The following SLC35F4 variants were observed in gnomAD, a reference collection of about 807,000 sequenced individuals.
The protein encoded by SLC35F4 is chromosome 14 open reading frame 36.
SLC35F4 carries 24 observed loss-of-function variants against 44.2 expected under a neutral mutation model. The observed-to-expected ratio is 0.54, with a 90% CI of 0.39 to 0.76. The LOEUF is 0.76. SLC35F4 is among the 30% of genes least tolerant of loss of function. The pLI is 0.00. For missense variants in SLC35F4, 562 were observed against 586.1 expected (o/e 0.96, Z 0.42); for synonymous variants, 238 against 223.6 (o/e 1.06, Z -0.57).
chr14:57,591,094 A>AT (rs1303637608), intron 2 of SLC35F4, among the ~76,000 whole-genome samples: 1 of 152,258 alleles, frequency 6.6e-6, no homozygotes, highest in African/African-American at 2.4e-5. Flanking sequence ...CATCCAGAAG[A>AT]TAAAAACTGG....
At chr14:57,808,186 T>C (rs1002395551) in intron 1 of SLC35F4, among the ~76,000 whole-genome samples, 3 of 151,874 alleles carry the variant, frequency 2.0e-5, no homozygotes, top group Non-Finnish European at 4.4e-5. Context: ...ATTAACTCTT[T>C]TAATTCTCAC....
intron 1 of SLC35F4, among the ~76,000 whole-genome samples, chr14:57,864,032 A>AATGTCACT (rs1405404140): frequency 6.6e-6 from 1 of 152,172 alleles, no homozygotes; most frequent in Non-Finnish European, 1.5e-5. Context: ...TCTTATCTAA[A>AATGTCACT]ATGTCACTTT....
At chr14:57,910,571 G>A (rs1490927754) in intron 1 of SLC35F4, among the ~76,000 whole-genome samples, 1 of 152,008 alleles carries the variant, frequency 6.6e-6, no homozygotes, top group African/African-American at 2.4e-5. Flanking sequence ...TTGCTCCTTT[G>A]TCATAGATTA....
intron 1 of SLC35F4, among the ~76,000 whole-genome samples, chr14:57,697,993 G>A (rs895266673): frequency 3.9e-5 from 6 of 152,094 alleles, no homozygotes; most frequent in Non-Finnish European, 7.4e-5. Flanking sequence ...ACCATTTACC[G>A]GCTACATGAT....
At chr14:57,618,297 G>A (rs1006799060) in intron 1 of SLC35F4, among the ~76,000 whole-genome samples, 12 of 152,162 alleles carry the variant, frequency 7.9e-5, no homozygotes, top group Non-Finnish European at 1.5e-4. Flanking sequence ...CAAGACTGAC[G>A]CAGAAGGTGG....
chr14:57,865,806 G>A lies in SLC35F4; in HGVS notation c.20C>T (p.Pro7Leu), dbSNP rs768332227. The change falls in exon 1 of 8, where the codon CCC becomes CTC. Residue 7 changes from proline to leucine, a missense_variant. Physicochemically the swap from Pro to Leu is moderately conservative, Grantham distance 98. Coordinates refer to ENST00000556826, the MANE Select transcript of SLC35F4 (RefSeq NM_001306087.2). ...GTCCTCGATAGTGGCCACCCCGTTG[G>A]GGGCCGCCTTGACATCCATAGAGAG... MDVKAA[P>L]NGVATIEDRI... The A allele has an allele frequency of 9.2e-6, 14 of 1,519,710 alleles. No individual in the cohort carries two copies. Among genetic ancestry groups the A allele is most frequent in the Non-Finnish European group, 1.2e-5 (14 of 1,140,300 alleles). The allele number at this position is 1,519,710 out of a possible 1,614,324, so 94.1% of individuals were successfully genotyped here. A position where few individuals can be genotyped will look rare whatever the true frequency, so the allele number is the denominator to read the frequency against.
intron 1 of SLC35F4, among the ~76,000 whole-genome samples, chr14:57,731,392 G>A (rs550028047): frequency 5.3e-5 from 8 of 152,280 alleles, no homozygotes; most frequent in African/African-American, 1.9e-4. Flanking sequence ...TTGCTTTTGT[G>A]GAATCACCTC....
At chr14:57,608,761 A>G (rs1042590817) in intron 1 of SLC35F4, among the ~76,000 whole-genome samples, 2 of 149,000 alleles carry the variant, frequency 1.3e-5, no homozygotes, top group Non-Finnish European at 3.0e-5. Context: ...ACCTGTTAAA[A>G]AAAGAAAAGC....
Position 57,898,720 on chromosome 14 carries a change from T to C in SLC35F4, n.282+83193A>G, listed in dbSNP as rs1195017137. Among the ~76,000 whole-genome samples the C allele has an allele frequency of 3.9e-5, 6 of 152,220 alleles. No homozygotes were observed. In the South Asian group the frequency reaches 8.3e-4, roughly 21 times the overall value. Reference sequence around the variant, plus strand: ...ATCAGCAACTTCAGTAAGAGCCCTATTGCTTTTTAACAACTTATTCAATAT... The same window carrying C: ...ATCAGCAACTTCAGTAAGAGCCCTACTGCTTTTTAACAACTTATTCAATAT... On this transcript the variant is annotated intron_variant and non_coding_transcript_variant, in intron 1 of 1. Coordinates refer to the SLC35F4 transcript ENST00000556568.
At position 57,898,860 on chromosome 14, in the gene SLC35F4, G is replaced by A. The variant is rs117848299; in HGVS notation, n.282+83053C>T. On this transcript the variant is annotated intron_variant and non_coding_transcript_variant, in intron 1 of 1. Transcript: ENST00000556568. ...TCTAGGAATATCTTTCGATATTTAT[G>A]TAAATCAGAATTCATGGCTTAAAGC... Among the ~76,000 whole-genome samples the A allele has an allele frequency of 2.1e-4, 32 of 152,332 alleles. No individual in the cohort carries two copies. The East Asian group carries it at 6.2e-3, about 29-fold the overall frequency.
chr14:57,961,909 G>A (rs888140787), intron 1 of SLC35F4, among the ~76,000 whole-genome samples: 1 of 152,140 alleles, frequency 6.6e-6, no homozygotes, highest in Non-Finnish European at 1.5e-5. Flanking sequence ...TTACTTATCA[G>A]TGTGAGTATC....
At chr14:57,944,664 AGAG>A (rs1829807667) in intron 1 of SLC35F4, among the ~76,000 whole-genome samples, 1 of 145,774 alleles carries the variant, frequency 6.9e-6, no homozygotes, top group Non-Finnish European at 1.5e-5. Flanking sequence ...GGAGGGAGAG[AGAG>A]AAAGAAAGAA....
chr14:57,979,422 T>C (rs887638538), intron 1 of SLC35F4, among the ~76,000 whole-genome samples: 8 of 152,186 alleles, frequency 5.3e-5, no homozygotes, highest in Non-Finnish European at 1.0e-4. Flanking sequence ...CAATTCTTAT[T>C]CCAGCTGGTG....
At chr14:57,789,609 C>A (rs2077861310) in intron 1 of SLC35F4, among the ~76,000 whole-genome samples, 1 of 152,144 alleles carries the variant, frequency 6.6e-6, no homozygotes, top group Non-Finnish European at 1.5e-5. Context: ...CTATTCCAAA[C>A]AACAGAAAAA....
intron 1 of SLC35F4, among the ~76,000 whole-genome samples, chr14:57,766,684 C>T (rs1396103981): frequency 6.6e-6 from 1 of 152,094 alleles, no homozygotes; most frequent in African/African-American, 2.4e-5. Flanking sequence ...TAGGCTAGTG[C>T]CAAGTCAAAA....
At chr14:57,812,539 G>A (rs1278166122) in intron 1 of SLC35F4, among the ~76,000 whole-genome samples, 1 of 152,160 alleles carries the variant, frequency 6.6e-6, no homozygotes, top group Non-Finnish European at 1.5e-5. Context: ...AAGGAGAGGA[G>A]TAAAGGAGCT....
intron 1 of SLC35F4, among the ~76,000 whole-genome samples, chr14:57,844,771 A>G (rs1885845052): frequency 6.6e-6 from 1 of 152,152 alleles, no homozygotes; most frequent in African/African-American, 2.4e-5. Flanking sequence ...CGAAGGAGTC[A>G]AGTTGGGATC....
intron 1 of SLC35F4, among the ~76,000 whole-genome samples, chr14:57,812,729 G>C (rs559984061): frequency 5.3e-4 from 80 of 152,192 alleles, no homozygotes; most frequent in Admixed American, 1.0e-3. Context: ...GCATCTGTTA[G>C]TCTTCCTGAG....
intron 4 of SLC35F4, among the ~76,000 whole-genome samples, chr14:57,578,190 T>G (rs1231787397): frequency 6.6e-6 from 1 of 152,072 alleles, no homozygotes; most frequent in Non-Finnish European, 1.5e-5. Context: ...CTTCTCATTT[T>G]AAATGTGCTC....
Sources: gnomAD v4.1 joint callset for allele counts (sites outside exome capture counted in the v4.1 genomes callset) on GRCh38, gnomAD v4.1.1 for gene constraint, MANE v1.5 for transcripts, NCBI Gene and HGNC (gene_info 2026-07-23, HGNC 2026-07-21) for gene names.